ZAN: variants seen among roughly 807,000 people sequenced by gnomAD.
ZAN encodes the protein zonadhesin (gene/pseudogene).
Under a neutral mutation model 286.2 loss-of-function variants are expected in ZAN, and 260 were observed. The observed-to-expected ratio is 0.91, with a 90% CI of 0.82 to 1.01. ZAN has a LOEUF of 1.01. Among genes scored for constraint, ZAN ranks in the 50% least tolerant of loss-of-function variants. ZAN has a pLI of 0.00. For synonymous variants in ZAN, 1,368 were observed against 1,417.5 expected (o/e 0.97, Z 0.79); for missense variants, 3,410 against 3,639.2 (o/e 0.94, Z 1.62).
At position 100,739,910 on chromosome 7, in the gene ZAN, G is replaced by A. The variant is rs1188724988; in HGVS notation, c.766+1297G>A. Among the ~76,000 whole-genome samples, 6 of 140,922 alleles carry A rather than the reference G, an allele frequency of 4.3e-5. 1 individual carries two copies. The highest frequency in any genetic ancestry group is 2.2e-4 in the South Asian group (1 of 4,592). The allele number at this position is 140,922 out of a possible 152,430, so 92.5% of individuals were successfully genotyped here. A position where few individuals can be genotyped will look rare whatever the true frequency, so the allele number is the denominator to read the frequency against. On this transcript the variant is annotated intron_variant, in intron 7 of 47. Transcript: ENST00000613979. ...TGACCTCAGGTGATCCGGCCACCTC[G>A]GCCTCCCAAAGTGCTGGGATTATAG...
chr7:100,744,367 G>A (rs1479716427), intron 7 of ZAN, among the ~76,000 whole-genome samples: 1 of 150,842 alleles, frequency 6.6e-6, no homozygotes, highest in Non-Finnish European at 1.5e-5. Flanking sequence ...GGGAGGCGGA[G>A]GCAGGTGGAT....
At position 100,788,941 on chromosome 7, in the gene ZAN, C is replaced by T. The variant is rs188812794; in HGVS notation, c.7228-277C>T. 6.6e-5 allele frequency among the ~76,000 whole-genome samples: 10 copies of T among 152,162 alleles called. No individual in the cohort carries two copies. In the East Asian group the frequency reaches 1.4e-3, roughly 21 times the overall value. Reference sequence around the variant, plus strand: ...CTGGAACTCCTGACCTCAAGTGATCCGCCCGACTCGGCCTCCCAAAGTGCT... The same window carrying T: ...CTGGAACTCCTGACCTCAAGTGATCTGCCCGACTCGGCCTCCCAAAGTGCT... On this transcript the variant is annotated intron_variant, in intron 38 of 47. Coordinates refer to ENST00000613979, the MANE Select transcript of ZAN (RefSeq NM_003386.3).
At position 100,787,984 on chromosome 7, in the gene ZAN, A is replaced by G. The variant is rs1426085601; in HGVS notation, c.7075A>G (p.Lys2359Glu). 5 of 1,550,126 alleles carry G rather than the reference A, an allele frequency of 3.2e-6. No individual in the cohort carries two copies. The highest frequency in any genetic ancestry group is 4.4e-6 in the Non-Finnish European group (5 of 1,134,862). The change falls in exon 38 of 48, where the codon AAG (lysine) becomes GAG (glutamate). Residue 2359 changes from lysine to glutamate, a missense_variant. Physicochemically the swap from Lys to Glu is moderately conservative, Grantham distance 56. This residue lies in a region of ZAN where 1,289 missense variants were observed against 1,314.3 expected (regional missense o/e 0.98). Transcript: ENST00000613979. ...AGGCCGCATGACCTATGTTCTGATCAAGACTGTGGACGTACTGCCTGAGGG... is the reference window on the plus strand; with the variant it reads ...AGGCCGCATGACCTATGTTCTGATCGAGACTGTGGACGTACTGCCTGAGGG... ...LQGRMTYVLI[K>E]TVDVLPEGVE...
intron 26 of ZAN, among the ~76,000 whole-genome samples, chr7:100,768,362 T>C (rs1326846291): frequency 6.6e-6 from 1 of 152,088 alleles, no homozygotes. Flanking sequence ...ATCCCAGCTA[T>C]TTGGGAGGCT....
At position 100,764,153 on chromosome 7, in the gene ZAN, C is replaced by T. The variant is rs371599706; in HGVS notation, c.4224C>T (p.Asp1408=). 32 of 1,605,802 alleles carry T rather than the reference C, an allele frequency of 2.0e-5. No individual in the cohort carries two copies. The South Asian group carries it at 2.5e-4, about 13-fold the overall frequency. ...HMSTMTTTCQ[D]AGHAVKPWRE... is the part of the protein sequence containing the mutation. ...CCACCATGACCACCACCTGCCAGGA[C>T]GCAGGCCACGCTGTGAAGCCCTGGA... Residue 1408 remains aspartate, a synonymous_variant, in exon 22 of 48, where the codon GAC becomes GAT. Transcript: ENST00000613979.
chr7:100,749,639 C>CAAAA (rs762868522), intron 11 of ZAN, among the ~76,000 whole-genome samples: 10 of 66,874 alleles, frequency 1.5e-4, no homozygotes, highest in African/African-American at 5.5e-4. Context: ...GACTCCGTCT[C>CAAAA]AAAAAAAAAA....
In ZAN at chr7:100,768,616, A is replaced by C. The variant is rs1266831934; in HGVS notation, c.5048A>C (p.Tyr1683Ser). ...GGQLCGLCGN[Y>S]NNNSLDDNLR... is the part of the protein sequence containing the mutation. ...TAATGACTCCCTCCTCTAGGGAACT[A>C]CAACAACAACAGCTTGGATGACAAC... Residue 1683 changes from tyrosine to serine, a missense_variant, in exon 27 of 48, where the codon TAC (tyrosine) becomes TCC (serine). Physicochemically the swap from Tyr to Ser is moderately radical, Grantham distance 144. Transcript: ENST00000613979. 22 of 1,604,104 alleles carry C rather than the reference A, an allele frequency of 1.4e-5. No individual in the cohort carries two copies. The highest frequency in any genetic ancestry group is 1.7e-5 in the Non-Finnish European group (20 of 1,174,652).
At position 100,789,272 on chromosome 7, in the gene ZAN, A is replaced by G. The variant is rs768654062; in HGVS notation, c.7282A>G (p.Thr2428Ala). 5.0e-6 allele frequency: 8 copies of G among 1,613,670 alleles called. No homozygotes were observed. Among genetic ancestry groups the G allele is most frequent in the Non-Finnish European group, 5.9e-6 (7 of 1,179,806 alleles). ...CAGGCCAAATGAACACCTGCGGGTC[A>G]CCCTGTGGGGCCAACGGCTCTACCT... ...PYRPNEHLRV[T>A]LWGQRLYLVT... The change falls in exon 39 of 48, where the codon ACC (threonine) becomes GCC (alanine). Residue 2428 changes from threonine to alanine, a missense_variant. Thr to Ala is a moderately conservative substitution (Grantham distance 58, BLOSUM62 0). Transcript: ENST00000613979.
intron 15 of ZAN, 22 bp downstream of exon 15, chr7:100,755,432 G>T (rs760796454): frequency 1.2e-6 from 2 of 1,607,248 alleles, no homozygotes; most frequent in South Asian, 2.2e-5. Flanking sequence ...GGGATGCTGG[G>T]GTCCCATGAG....
At chr7:100,744,163 C>T (rs1262733186) in intron 7 of ZAN, among the ~76,000 whole-genome samples, 1 of 149,508 alleles carries the variant, frequency 6.7e-6, no homozygotes, top group African/African-American at 2.5e-5. Context: ...GTCTCGGACT[C>T]CTGGCCTCAA....
intron 37 of ZAN, among the ~76,000 whole-genome samples, 152 bp from the exon 38 acceptor site, chr7:100,787,737 T>C (rs1014410739): frequency 6.6e-6 from 1 of 152,134 alleles, no homozygotes; most frequent in African/African-American, 2.4e-5. Context: ...AATTTTTGTA[T>C]TTTTAGTAGA....
At chr7:100,796,907 G>T (rs568355166) in intron 45 of ZAN, among the ~76,000 whole-genome samples, 36 of 152,250 alleles carry the variant, frequency 2.4e-4, no homozygotes, top group African/African-American at 8.4e-4. Context: ...GGAGGCCAAG[G>T]CGGGAGGATC....
At position 100,765,492 on chromosome 7, in the gene ZAN, G is replaced by A; in HGVS notation, c.4408G>A (p.Gly1470Ser). The A allele has an allele frequency of 6.2e-7, 1 of 1,612,792 alleles. No individual in the cohort carries two copies. The highest frequency in any genetic ancestry group is 8.5e-7 in the Non-Finnish European group (1 of 1,179,466). Reference protein sequence around the residue: ...CECNPGFVLSGLECIPRSQCG... With the variant: ...CECNPGFVLSSLECIPRSQCG... Reference sequence around the variant, plus strand: ...ATGCAATCCGGGCTTCGTCCTCAGTGGCCTCGAGTGCATACCTCGCTCCCA... The same window carrying A: ...ATGCAATCCGGGCTTCGTCCTCAGTAGCCTCGAGTGCATACCTCGCTCCCA... Residue 1470 changes from glycine (G) to serine (S), a missense_variant, in exon 23 of 48, where the codon GGC (glycine) becomes AGC (serine). Around this residue, in one of 7 missense-constraint regions of ZAN, gnomAD observed 1,042 missense variants for 1,058.0 expected, o/e 0.98. Coordinates refer to ENST00000613979, the MANE Select transcript of ZAN (RefSeq NM_003386.3).
At chr7:100,755,550 A>C (rs1562928999) in intron 15 of ZAN, 140 bp downstream of exon 15, 3 of 949,306 alleles carry the variant, frequency 3.2e-6, no homozygotes, top group African/African-American at 3.3e-5. Flanking sequence ...CAATGGTTAC[A>C]TGATGGCGAA....
chr7:100,745,049 A>G (rs139615857), intron 7 of ZAN, among the ~76,000 whole-genome samples: 5,302 of 151,260 alleles, frequency 0.035, 226 homozygotes, highest in Middle Eastern at 0.11. Context: ...ACGCCCGGCT[A>G]ATTTTTGTAC....
chr7:100,773,621 G>A (rs188168224), intron 30 of ZAN, 100 bp from the exon 31 acceptor site: 213 of 1,540,662 alleles, frequency 1.4e-4, no homozygotes, highest in East Asian at 1.2e-3. Flanking sequence ...GCTGGGGGGC[G>A]AGGAGGAAGG....
Position 100,760,394 on chromosome 7 carries a change from G to A in ZAN, c.3700G>A (p.Gly1234Arg), listed in dbSNP as rs1809472916. Residue 1234 changes from glycine (G) to arginine (R), a missense_variant, in exon 19 of 48, where the codon GGG becomes AGG. By Grantham distance (125) the Gly-to-Arg change is moderately radical (BLOSUM62 -2). Around this residue, in one of 7 missense-constraint regions of ZAN, gnomAD observed 1,042 missense variants for 1,058.0 expected, o/e 0.98. Coordinates refer to ENST00000613979, the MANE Select transcript of ZAN (RefSeq NM_003386.3). ...TLLKGRRTLV[G>R]GQQVTLPAIP... ...TTGCCTCTGCCCTGCCTTCCAGGTTGGGGGTCAGCAAGTTACTCTCCCAGC... is the reference window on the plus strand; with the variant it reads ...TTGCCTCTGCCCTGCCTTCCAGGTTAGGGGTCAGCAAGTTACTCTCCCAGC... 1.2e-6 allele frequency: 2 copies of A among 1,613,566 alleles called. No homozygotes were observed. The highest frequency in any genetic ancestry group is 1.7e-6 in the Non-Finnish European group (2 of 1,179,728).
At chr7:100,785,332 G>A (rs1028635137) in intron 36 of ZAN, among the ~76,000 whole-genome samples, 1 of 147,426 alleles carries the variant, frequency 6.8e-6, no homozygotes, top group Non-Finnish European at 1.5e-5. Context: ...CTGGGTTCAA[G>A]CCATTCTCCT....
intron 23 of ZAN, among the ~76,000 whole-genome samples, chr7:100,766,018 G>C (rs1346509999): frequency 1.4e-5 from 2 of 138,076 alleles, no homozygotes; most frequent in African/African-American, 5.5e-5. Context: ...ACAGAGTCTC[G>C]ATCTGTTGTC....
Sources: allele counts gnomAD v4.1 joint callset (sites outside exome capture counted in the v4.1 genomes callset), GRCh38; gene constraint gnomAD v4.1.1; regional missense constraint gnomAD v4.1.1; transcripts MANE v1.5; gene names NCBI Gene and HGNC (gene_info 2026-07-23, HGNC 2026-07-21).